VTA1: variants seen among roughly 807,000 people sequenced by gnomAD.
The protein encoded by VTA1 is vacuolar protein sorting-associated protein VTA1 homolog.
A neutral mutation model predicts 36.9 loss-of-function variants in VTA1; 24 were observed. That is an observed-to-expected ratio of 0.65 (90% CI 0.47 to 0.91). The LOEUF (loss-of-function observed/expected upper bound fraction) is 0.91. Ranked by LOEUF, VTA1 falls within the 40% of genes least tolerant of loss-of-function variation. The pLI is 0.00. For synonymous variants in VTA1, 142 were observed against 130.2 expected, an observed-to-expected ratio of 1.09 and a Z score of -0.62; for missense variants, 393 against 377.2, an observed-to-expected ratio of 1.04 and a Z score of -0.35.
At position 142,218,517 on chromosome 6, in the gene VTA1, A is replaced by G. The variant is rs762814848; in HGVS notation, c.798A>G (p.Pro266=). Residue 266 remains proline (P), a synonymous_variant, in exon 8 of 8, where the codon CCA becomes CCG. Transcript: ENST00000367630. ...TISQGDVRLT[P]EDFARAQKYC... is the part of the protein sequence containing the mutation. ...TTCTAGGGGATGTTCGTCTAACCCC[A>G]GAAGACTTTGCTAGAGCTCAGAAGT... 1.9e-6 allele frequency: 3 copies of G among 1,613,456 alleles called. No individual in the cohort carries two copies. Among genetic ancestry groups the G allele is most frequent in the East Asian group, 2.2e-5 (1 of 44,852 alleles).
intron 1 of VTA1, among the ~76,000 whole-genome samples, chr6:142,152,742 G>A (rs367927881): frequency 1.6e-4 from 25 of 152,148 alleles, no homozygotes; most frequent in Admixed American, 1.2e-3. Flanking sequence ...ATGAAAAGGT[G>A]TAGACATCAA....
chr6:142,162,912 C>T (rs1339315014), intron 1 of VTA1, among the ~76,000 whole-genome samples: 2 of 152,034 alleles, frequency 1.3e-5, no homozygotes, highest in Admixed American at 1.3e-4. Context: ...AGAGAGTGGG[C>T]GCTTGATGTA....
At chr6:142,193,488 T>C (rs895172215) in intron 5 of VTA1, among the ~76,000 whole-genome samples, 10 of 152,186 alleles carry the variant, frequency 6.6e-5, no homozygotes, top group Non-Finnish European at 1.5e-4. Flanking sequence ...TATCATTCTT[T>C]TTATTTTAAT....
intron 7 of VTA1, among the ~76,000 whole-genome samples, chr6:142,214,561 C>A (rs1272358372): frequency 1.3e-5 from 2 of 152,198 alleles, no homozygotes; most frequent in Non-Finnish European, 2.9e-5. Context: ...TCCTATTTGA[C>A]AGGAGATTTG....
chr6:142,167,092 G>A (rs528626307), intron 2 of VTA1, among the ~76,000 whole-genome samples: 1 of 152,190 alleles, frequency 6.6e-6, no homozygotes, highest in African/African-American at 2.4e-5. Context: ...TGGGGTCCCA[G>A]GGCAAGATAT....
chr6:142,151,494 C>T (rs184867655), intron 1 of VTA1, among the ~76,000 whole-genome samples: 2 of 152,320 alleles, frequency 1.3e-5, no homozygotes, highest in African/African-American at 2.4e-5. Context: ...AAACAAGCTC[C>T]TGCAAGGCTC....
intron 7 of VTA1, among the ~76,000 whole-genome samples, chr6:142,207,169 C>T (rs1022181101): frequency 6.6e-6 from 1 of 152,122 alleles, no homozygotes; most frequent in Non-Finnish European, 1.5e-5. Flanking sequence ...ATCAGACTTC[C>T]ACTTTCATGA....
At position 142,222,309 on chromosome 6, in the gene VTA1, G is replaced by C. The variant is rs1776127526; in HGVS notation, c.*3666G>C. ...AACGGTGTTTTGTCAATGCGGCAGAGGGAGAAGAAGAAATAAGGTTCTGCT... is the reference window on the plus strand; with the variant it reads ...AACGGTGTTTTGTCAATGCGGCAGACGGAGAAGAAGAAATAAGGTTCTGCT... On this transcript the variant is annotated 3_prime_UTR_variant, in exon 8 of 8. Transcript: ENST00000367630. The C allele has an allele frequency of 6.6e-6, 1 of 152,156 alleles. No homozygotes were observed. Among genetic ancestry groups the C allele is most frequent in the African/African-American group, 2.4e-5 (1 of 41,446 alleles). The allele number at this position is 152,156 out of a possible 1,614,324, so 9.4% of individuals were successfully genotyped here.
chr6:142,210,940 A>C (rs1775890774), intron 7 of VTA1, among the ~76,000 whole-genome samples: 1 of 152,238 alleles, frequency 6.6e-6, no homozygotes, highest in Admixed American at 6.5e-5. Context: ...TGGATGAATG[A>C]ATAAAGAAAA....
chr6:142,196,529 A>C (rs1039202143), intron 5 of VTA1, among the ~76,000 whole-genome samples: 1 of 152,032 alleles, frequency 6.6e-6, no homozygotes, highest in African/African-American at 2.4e-5. Flanking sequence ...CTAGATTTAA[A>C]CCTATTTTGC....
chr6:142,157,655 G>A (rs1778687300), intron 1 of VTA1, among the ~76,000 whole-genome samples: 2 of 151,970 alleles, frequency 1.3e-5, no homozygotes, highest in African/African-American at 4.8e-5. Context: ...GATAAGGTTT[G>A]TCTTCTATGA....
At chr6:142,211,606 G>T (rs1016174235) in intron 7 of VTA1, among the ~76,000 whole-genome samples, 2 of 151,928 alleles carry the variant, frequency 1.3e-5, no homozygotes, top group African/African-American at 4.8e-5. Context: ...AGCTACTCGG[G>T]AGGCTGAGGC....
At position 142,209,862 on chromosome 6, in the gene VTA1, A is replaced by T. The variant is rs1775867854; in HGVS notation, c.778+5797A>T. ...AATCTACAGATTCTGTGCAATCCCTATCAAAATGCCAAAGACATTCTTCAC... is the reference window on the plus strand; with the variant it reads ...AATCTACAGATTCTGTGCAATCCCTTTCAAAATGCCAAAGACATTCTTCAC... On this transcript the variant is annotated intron_variant, in intron 7 of 7. Transcript: ENST00000367630. Among the ~76,000 whole-genome samples, 5 of 152,250 alleles carry T rather than the reference A, an allele frequency of 3.3e-5. No homozygotes were observed. In the South Asian group the frequency reaches 1.0e-3, roughly 32 times the overall value.
At chr6:142,201,398 A>T (rs2114676421) in intron 6 of VTA1, among the ~76,000 whole-genome samples, 2 of 152,066 alleles carry the variant, frequency 1.3e-5, no homozygotes, top group Admixed American at 1.3e-4. Context: ...TGCAGTTTTT[A>T]GTTCTTCCAC....
At chr6:142,157,641 C>G (rs1778686874) in intron 1 of VTA1, among the ~76,000 whole-genome samples, 1 of 151,968 alleles carries the variant, frequency 6.6e-6, no homozygotes, top group Non-Finnish European at 1.5e-5. Flanking sequence ...GTTTAAGCAT[C>G]TTTGATAAGG....
intron 1 of VTA1, among the ~76,000 whole-genome samples, chr6:142,148,054 A>G (rs760617534): frequency 8.5e-5 from 13 of 152,212 alleles, no homozygotes; most frequent in Non-Finnish European, 2.9e-5. Flanking sequence ...TAAAAAAAAT[A>G]TAGGTTAACT....
intron 5 of VTA1, among the ~76,000 whole-genome samples, chr6:142,190,686 CACTT>C (rs1185541296): frequency 3.3e-5 from 5 of 152,212 alleles, no homozygotes; most frequent in Admixed American, 6.5e-5. Flanking sequence ...TTTTGTTACA[CACTT>C]TTATGCATTT....
chr6:142,215,952 G>A (rs886780068), intron 7 of VTA1, among the ~76,000 whole-genome samples: 2 of 152,084 alleles, frequency 1.3e-5, no homozygotes, highest in African/African-American at 4.8e-5. Flanking sequence ...CCTCTGAAGA[G>A]GAGATGAAGC....
intron 6 of VTA1, among the ~76,000 whole-genome samples, chr6:142,200,958 C>A (rs1775672742): frequency 6.6e-6 from 1 of 151,932 alleles, no homozygotes; most frequent in African/African-American, 2.4e-5. Flanking sequence ...TACAAACTCT[C>A]AAGAGACTAA....
Sources: gnomAD v4.1 joint callset for allele counts (sites outside exome capture counted in the v4.1 genomes callset) on GRCh38, gnomAD v4.1.1 for gene constraint, MANE v1.5 for transcripts, NCBI Gene and HGNC (gene_info 2026-07-23, HGNC 2026-07-21) for gene names.